The following TRIP12 variants were observed in gnomAD, a reference collection of about 807,000 sequenced individuals.
The protein encoded by TRIP12 is E3 ubiquitin-protein ligase TRIP12.
Under a neutral mutation model 244.2 loss-of-function variants are expected in TRIP12, and 25 were observed. The ratio of observed to expected loss-of-function variants is 0.10; its 90% CI spans 0.07 to 0.14. The LOEUF (loss-of-function observed/expected upper bound fraction) is 0.14. Ranked by LOEUF, TRIP12 falls within the 10% of genes least tolerant of loss-of-function variation. The pLI, the probability that TRIP12 is intolerant of heterozygous loss-of-function variation, is 1.00. For synonymous variants in TRIP12, 905 were observed against 873.1 expected, an observed-to-expected ratio of 1.04 and a Z score of -0.64; for missense variants, 1,677 against 2,486.4, an observed-to-expected ratio of 0.67 and a Z score of 6.92.
At chr2:229,813,223 C>T (rs886113717) in intron 13 of TRIP12, among the ~76,000 whole-genome samples, 1 of 152,176 alleles carries the variant, frequency 6.6e-6, no homozygotes, top group Non-Finnish European at 1.5e-5. Flanking sequence ...TCCTCCAATG[C>T]CTCTCAAGAA....
chr2:229,864,039 AGAGAGAGAGTGTGTGT>A (rs2060981685), intron 2 of TRIP12, among the ~76,000 whole-genome samples: 8 of 79,254 alleles, frequency 1.0e-4, no homozygotes, highest in Middle Eastern at 5.6e-3. Flanking sequence ...AGAGAGAGAG[AGAGAGAGAGTGTGTGT>A]GTGTGTGTGT....
At position 229,766,049 on chromosome 2, in the gene TRIP12, T is replaced by C. The variant is rs1375961571; in HGVS notation, c.*1505A>G. On this transcript the variant is annotated 3_prime_UTR_variant, in exon 42 of 42. Coordinates refer to ENST00000675903, the MANE Select transcript of TRIP12 (RefSeq NM_001348323.3). ...GGTGGTGGGATAGGGAAAAGGGCTTTTGTGTCAATTAATTAAAACTTACAG... is the reference window on the plus strand; with the variant it reads ...GGTGGTGGGATAGGGAAAAGGGCTTCTGTGTCAATTAATTAAAACTTACAG... The C allele has an allele frequency of 6.6e-6, 1 of 152,172 alleles. No homozygotes were observed. Among genetic ancestry groups the C allele is most frequent in the Non-Finnish European group, 1.5e-5 (1 of 68,026 alleles). The allele number at this position is 152,172 out of a possible 1,614,324, so 9.4% of individuals were successfully genotyped here.
At chr2:229,864,699 G>A (rs1010329086) in intron 2 of TRIP12, among the ~76,000 whole-genome samples, 11 of 151,806 alleles carry the variant, frequency 7.2e-5, no homozygotes, top group Non-Finnish European at 1.5e-4. Context: ...CTACTTCCAC[G>A]TTATATTGAC....
intron 34 of TRIP12, among the ~76,000 whole-genome samples, chr2:229,779,961 C>A (rs192713523): frequency 1.3e-3 from 200 of 152,340 alleles, no homozygotes; most frequent in African/African-American, 3.8e-3. Context: ...ACAGGTTATA[C>A]TCTAAGTCTA....
chr2:229,784,820 G>A (rs1277469867), intron 34 of TRIP12, among the ~76,000 whole-genome samples: 1 of 152,206 alleles, frequency 6.6e-6, no homozygotes, highest in Non-Finnish European at 1.5e-5. Context: ...TACGTTACTG[G>A]TGGGAATGTA....
Position 229,921,887 on chromosome 2 carries a change from G to A in TRIP12, c.-57C>T, listed in dbSNP as rs1241042777. 1 of 137,924 alleles carries A rather than the reference G, an allele frequency of 7.3e-6. No homozygotes were observed. Among genetic ancestry groups the A allele is most frequent in the Non-Finnish European group, 1.5e-5 (1 of 64,880 alleles). The allele number at this position is 137,924 out of a possible 1,614,324, so 8.5% of individuals were successfully genotyped here. A position where few individuals can be genotyped will look rare whatever the true frequency, so the allele number is the denominator to read the frequency against. On this transcript the variant is annotated 5_prime_UTR_variant, in exon 1 of 42. Coordinates refer to ENST00000675903, the MANE Select transcript of TRIP12 (RefSeq NM_001348323.3). ...GAGCTGCGCCCCAATTACCTAGTTAGGCCCCAAAGTCTCCGGTCCGGACTC... is the reference window on the plus strand; with the variant it reads ...GAGCTGCGCCCCAATTACCTAGTTAAGCCCCAAAGTCTCCGGTCCGGACTC...
intron 7 of TRIP12, among the ~76,000 whole-genome samples, chr2:229,830,009 T>C (rs991518222): frequency 6.6e-6 from 1 of 152,202 alleles, no homozygotes; most frequent in Admixed American, 6.5e-5. Flanking sequence ...GAGATACTTG[T>C]ATGTTCCCTC....
Position 229,778,783 on chromosome 2 carries a change from T to G in TRIP12, c.5209+93A>C. On this transcript the variant is annotated intron_variant, in intron 35 of 41. Coordinates refer to ENST00000675903, the MANE Select transcript of TRIP12 (RefSeq NM_001348323.3). This position sits in a 1 kb window ranked among gnomAD's most constrained non-coding sequence, Gnocchi z 4.1. ...GAGGCTAAAAGAAAGCAAGTACAGC[T>G]GTCCATTAGAAATTAAATATGTCTA... is the stretch of plus-strand genomic sequence containing the variant. The G allele has an allele frequency of 7.3e-7, 1 of 1,374,614 alleles. No homozygotes were observed. The highest frequency in any genetic ancestry group is 1.0e-6 in the Non-Finnish European group (1 of 982,830). The allele number at this position is 1,374,614 out of a possible 1,614,324, so 85.2% of individuals were successfully genotyped here.
At chr2:229,856,282 T>A (rs1277234190) in intron 4 of TRIP12, among the ~76,000 whole-genome samples, 1 of 152,122 alleles carries the variant, frequency 6.6e-6, no homozygotes, top group African/African-American at 2.4e-5. Context: ...AATGGTGAAA[T>A]GAGTTTTAAA....
At chr2:229,832,629 AATC>A (rs763884875) in intron 6 of TRIP12, among the ~76,000 whole-genome samples, 56 of 152,338 alleles carry the variant, frequency 3.7e-4, no homozygotes, top group Middle Eastern at 3.4e-3. Context: ...AAGGTATTAT[AATC>A]ATCATGCACA....
At chr2:229,830,927 A>C (rs2053183645) in intron 6 of TRIP12, 88 bp from the exon 7 acceptor site, 3 of 1,133,494 alleles carry the variant, frequency 2.6e-6, no homozygotes, top group Non-Finnish European at 3.9e-6. Flanking sequence ...AGTTTTGCGG[A>C]CTACAATTGA....
At chr2:229,908,007 G>A (rs1188355045) in intron 1 of TRIP12, among the ~76,000 whole-genome samples, 1 of 151,304 alleles carries the variant, frequency 6.6e-6, no homozygotes, top group East Asian at 1.9e-4. Context: ...TAATGTTGGA[G>A]CCTAGATTTA....
chr2:229,895,084 A>G (rs2068433784), intron 1 of TRIP12, among the ~76,000 whole-genome samples: 1 of 152,242 alleles, frequency 6.6e-6, no homozygotes, highest in Non-Finnish European at 1.5e-5. Flanking sequence ...AGATAGGAGA[A>G]TTATCAGATC....
At chr2:229,788,665 TAAGC>T in intron 32 of TRIP12, 129 bp downstream of exon 32, 1 of 1,240,608 alleles carries the variant, frequency 8.1e-7, no homozygotes, top group South Asian at 1.5e-5. Context: ...GCCACACAAT[TAAGC>T]AAGTTGTGAT....
Position 229,818,309 on chromosome 2 carries a change from C to G in TRIP12, c.1599+55G>C, listed in dbSNP as rs1372884762. 2.6e-6 allele frequency: 4 copies of G among 1,562,248 alleles called. 1 individual carries two copies. The Admixed American group carries it at 7.2e-5, about 28-fold the overall frequency. On this transcript the variant is annotated intron_variant, in intron 9 of 41. Coordinates refer to ENST00000675903, the MANE Select transcript of TRIP12 (RefSeq NM_001348323.3). Reference sequence around the variant, plus strand: ...AATAATCATACATTCAGTACAAAATCGGCAGATTTCAGAGGACAAATGAGG... The same window carrying G: ...AATAATCATACATTCAGTACAAAATGGGCAGATTTCAGAGGACAAATGAGG...
intron 39 of TRIP12, 56 bp downstream of exon 39, chr2:229,771,463 A>C (rs1396952504): frequency 6.8e-7 from 1 of 1,479,708 alleles, no homozygotes; most frequent in Non-Finnish European, 9.4e-7. Context: ...GGCAGCACAG[A>C]AACACTCCAC....
chr2:229,881,733 G>A (rs980798039), intron 1 of TRIP12, among the ~76,000 whole-genome samples: 4 of 152,126 alleles, frequency 2.6e-5, no homozygotes, highest in African/African-American at 4.8e-5. Context: ...AAACTTATGC[G>A]TACTGATATG....
chr2:229,881,739 A>G (rs928227950), intron 1 of TRIP12, among the ~76,000 whole-genome samples: 3 of 152,220 alleles, frequency 2.0e-5, no homozygotes, highest in African/African-American at 7.2e-5. Flanking sequence ...ATGCGTACTG[A>G]TATGGAAAGA....
chr2:229,869,580 T>C (rs1259504173), intron 2 of TRIP12, among the ~76,000 whole-genome samples: 1 of 152,180 alleles, frequency 6.6e-6, no homozygotes, highest in African/African-American at 2.4e-5. Context: ...TTCTGGGTTC[T>C]TTCCCTGGTA....
Sources: allele counts gnomAD v4.1 joint callset (sites outside exome capture counted in the v4.1 genomes callset), GRCh38; gene constraint gnomAD v4.1.1; non-coding constraint Gnocchi (gnomAD v3.1); transcripts MANE v1.5; gene names NCBI Gene and HGNC (gene_info 2026-07-23, HGNC 2026-07-21).